SOX6: variants seen among roughly 807,000 people sequenced by gnomAD.
The protein encoded by SOX6 is SRY-box transcription factor 6, also known as transcription factor SOX-6.
In SOX6, 11 loss-of-function variants were observed where a neutral mutation model predicts 97.8. The ratio of observed to expected loss-of-function variants is 0.11; its 90% CI spans 0.07 to 0.19. The LOEUF (loss-of-function observed/expected upper bound fraction) is 0.19. Ranked by LOEUF, SOX6 falls within the 10% of genes least tolerant of loss-of-function variation. The pLI is 1.00. For missense variants in SOX6, 810 were observed against 1,039.5 expected (o/e 0.78, Z 3.04); for synonymous variants, 360 against 371.4 (o/e 0.97, Z 0.35).
intron 4 of SOX6, among the ~76,000 whole-genome samples, chr11:16,200,429 T>C (rs7130519): frequency 0.012 from 1,831 of 152,324 alleles, 35 homozygotes; most frequent in African/African-American, 0.042. Flanking sequence ...TTTAATTAAA[T>C]GGGTATTTGT....
intron 4 of SOX6, among the ~76,000 whole-genome samples, chr11:16,555,270 A>G (rs1399836926): frequency 1.3e-5 from 2 of 151,932 alleles, no homozygotes; most frequent in Non-Finnish European, 2.9e-5. Context: ...TTACTAAATC[A>G]TTCAGTGTGT....
chr11:16,637,882 A>T (rs1848815452), intron 3 of SOX6, among the ~76,000 whole-genome samples: 1 of 150,868 alleles, frequency 6.6e-6, no homozygotes, highest in Non-Finnish European at 1.5e-5. Context: ...TGTTTTTTCC[A>T]TTCACATTTT....
intron 1 of SOX6, among the ~76,000 whole-genome samples, chr11:16,399,994 A>G (rs1315150541): frequency 6.6e-6 from 1 of 151,468 alleles, no homozygotes; most frequent in Non-Finnish European, 1.5e-5. Context: ...TTAAAAAAAG[A>G]CAGTTTCAGT....
intron 4 of SOX6, among the ~76,000 whole-genome samples, chr11:16,486,429 T>G (rs1046618090): frequency 6.6e-6 from 1 of 152,194 alleles, no homozygotes; most frequent in African/African-American, 2.4e-5. Flanking sequence ...CCTGTCTGAT[T>G]TCAGAGATAA....
chr11:16,290,849 C>T (rs1401621365), intron 3 of SOX6, among the ~76,000 whole-genome samples: 1 of 152,088 alleles, frequency 6.6e-6, no homozygotes, highest in Non-Finnish European at 1.5e-5. Flanking sequence ...CTCTAAAAGA[C>T]TTTTGCTTCA....
chr11:16,733,709 C>CT (rs1848368897), intron 2 of SOX6, among the ~76,000 whole-genome samples: 1 of 137,364 alleles, frequency 7.3e-6, no homozygotes, highest in Non-Finnish European at 1.6e-5. Context: ...ACATGTATCC[C>CT]AGAACTTAAA....
intron 1 of SOX6, among the ~76,000 whole-genome samples, chr11:16,438,237 A>G (rs567736700): frequency 2.6e-5 from 4 of 152,328 alleles, no homozygotes; most frequent in African/African-American, 9.6e-5. Context: ...TGATTCAAGT[A>G]AAGAGTATAT....
At chr11:16,287,989 G>C (rs1391166643) in intron 3 of SOX6, among the ~76,000 whole-genome samples, 1 of 152,080 alleles carries the variant, frequency 6.6e-6, no homozygotes, top group East Asian at 1.9e-4. Flanking sequence ...GTGGAATTGA[G>C]CCAAACTTCC....
intron 4 of SOX6, among the ~76,000 whole-genome samples, chr11:16,536,278 T>C (rs1861306108): frequency 6.6e-6 from 1 of 152,190 alleles, no homozygotes. Flanking sequence ...CTGGCAATAA[T>C]AGTATGATGG....
chr11:16,677,926 G>T (rs1318249352), intron 3 of SOX6, among the ~76,000 whole-genome samples: 1 of 152,076 alleles, frequency 6.6e-6, no homozygotes, highest in African/African-American at 2.4e-5. Flanking sequence ...GTAAGCTCTG[G>T]TAGTGTCTTT....
At chr11:16,525,372 G>A (rs1217434709) in intron 4 of SOX6, among the ~76,000 whole-genome samples, 4 of 150,886 alleles carry the variant, frequency 2.7e-5, no homozygotes, top group Non-Finnish European at 5.9e-5. Flanking sequence ...AGAAAAACAA[G>A]CAATGGGGAA....
intron 12 of SOX6, among the ~76,000 whole-genome samples, chr11:16,018,857 A>G (rs967925809): frequency 1.3e-5 from 2 of 152,120 alleles, no homozygotes; most frequent in African/African-American, 4.8e-5. Flanking sequence ...AGAGGCAGTA[A>G]AGACCATAAT....
chr11:16,636,718 A>G (rs1490825535), intron 3 of SOX6, among the ~76,000 whole-genome samples: 1 of 152,148 alleles, frequency 6.6e-6, no homozygotes, highest in Non-Finnish European at 1.5e-5. Flanking sequence ...GGTGGGAGGC[A>G]ATTGAATCAT....
intron 13 of SOX6, among the ~76,000 whole-genome samples, chr11:15,996,416 G>A (rs1218323668): frequency 2.6e-5 from 4 of 151,892 alleles, no homozygotes; most frequent in Admixed American, 6.6e-5. Flanking sequence ...ATCTCTTGAG[G>A]TCAGGAGTTC....
chr11:16,098,482 A>C (rs370166931), intron 7 of SOX6, among the ~76,000 whole-genome samples: 39 of 151,836 alleles, frequency 2.6e-4, no homozygotes, highest in African/African-American at 9.4e-4. Flanking sequence ...ATCATTCCTA[A>C]AAAGGGAGAC....
At chr11:16,714,219 GA>G (rs1033862685) in intron 3 of SOX6, among the ~76,000 whole-genome samples, 2 of 151,736 alleles carry the variant, frequency 1.3e-5, no homozygotes, top group Admixed American at 1.3e-4. Context: ...CTATCCTAGC[GA>G]ACAAGAAATT....
chr11:16,324,482 A>G (rs1020939241), intron 2 of SOX6, among the ~76,000 whole-genome samples: 2 of 152,164 alleles, frequency 1.3e-5, no homozygotes, highest in Non-Finnish European at 2.9e-5. Flanking sequence ...AGCTACTGAA[A>G]ATCATAGTCT....
At chr11:15,984,748 C>T (rs973008575) in intron 15 of SOX6, among the ~76,000 whole-genome samples, 1 of 152,126 alleles carries the variant, frequency 6.6e-6, no homozygotes, top group Admixed American at 6.5e-5. Flanking sequence ...TTCTCTCTAC[C>T]TCTAAAAGGT....
chr11:16,649,300 C>T (rs1590037281), intron 3 of SOX6, among the ~76,000 whole-genome samples: 1 of 152,280 alleles, frequency 6.6e-6, no homozygotes, highest in South Asian at 2.1e-4. Context: ...GAAAGATCAT[C>T]ACCTAGGCAT....
Sources: gnomAD v4.1 joint callset for allele counts (sites outside exome capture counted in the v4.1 genomes callset) on GRCh38, gnomAD v4.1.1 for gene constraint, MANE v1.5 for transcripts, NCBI Gene and HGNC (gene_info 2026-07-23, HGNC 2026-07-21) for gene names.